The following ATP8A1 variants were observed in gnomAD, a reference collection of about 807,000 sequenced individuals.
The protein encoded by ATP8A1 is ATPase phospholipid transporting 8A1, also known as phospholipid-transporting ATPase IA.
Under a neutral mutation model 177.7 loss-of-function variants are expected in ATP8A1, and 90 were observed. That is an observed-to-expected ratio of 0.51 (90% CI 0.43 to 0.60). ATP8A1 has a LOEUF of 0.60. ATP8A1 is among the 20% of genes least tolerant of loss of function. The pLI, the probability that ATP8A1 is intolerant of heterozygous loss-of-function variation, is 0.00. For synonymous variants in ATP8A1, 493 were observed against 485.9 expected (o/e 1.01, Z -0.19); for missense variants, 1,072 against 1,392.8 (o/e 0.77, Z 3.67).
At chr4:42,466,773 AT>A (rs1719817959) in intron 25 of ATP8A1, among the ~76,000 whole-genome samples, 1 of 152,202 alleles carries the variant, frequency 6.6e-6, no homozygotes, top group South Asian at 2.1e-4. Flanking sequence ...CTTCAAAGCA[AT>A]TTTCATTTCA....
intron 25 of ATP8A1, among the ~76,000 whole-genome samples, chr4:42,479,166 T>C (rs189846248): frequency 6.6e-6 from 1 of 152,324 alleles, no homozygotes; most frequent in Admixed American, 6.5e-5. Flanking sequence ...TATAGTCTTA[T>C]TGGAACATGG....
At chr4:42,542,367 GAT>G (rs1261023695) in intron 20 of ATP8A1, among the ~76,000 whole-genome samples, 2 of 152,088 alleles carry the variant, frequency 1.3e-5, no homozygotes, top group African/African-American at 4.8e-5. Flanking sequence ...GAAAGGATGT[GAT>G]TCGGGTTTTG....
chr4:42,478,110 T>G (rs1186199722), intron 25 of ATP8A1, among the ~76,000 whole-genome samples: 1 of 152,078 alleles, frequency 6.6e-6, no homozygotes, highest in East Asian at 1.9e-4. Context: ...ATCCCAGCCC[T>G]TTGGGAGACT....
intron 4 of ATP8A1, among the ~76,000 whole-genome samples, chr4:42,622,179 C>T (rs1737535176): frequency 6.6e-6 from 1 of 150,954 alleles, no homozygotes; most frequent in South Asian, 2.1e-4. Context: ...AGTTCAAGAC[C>T]AGCCTGGCCA....
Position 42,581,640 on chromosome 4 carries a change from T to A in ATP8A1, c.815A>T (p.His272Leu), listed in dbSNP as rs753580416. Residue 272 changes from histidine (H) to leucine (L), a missense_variant, in exon 10 of 37, where the codon CAT becomes CTT. Physicochemically the swap from His to Leu is moderately conservative, Grantham distance 99. Coordinates refer to ENST00000381668, the MANE Select transcript of ATP8A1 (RefSeq NM_006095.2). ...WVHGIVVYTG[H>L]DTKLMQNSTS... ...TTTCACCTGCATCAGCTTGGTGTCA[T>A]GTCCAGTGTAGACAACTATTCCATG... 1 of 1,614,002 alleles carries A rather than the reference T, an allele frequency of 6.2e-7. No individual in the cohort carries two copies. Among genetic ancestry groups the A allele is most frequent in the South Asian group, 1.1e-5 (1 of 91,080 alleles).
At chr4:42,497,679 C>G (rs1343787857) in intron 24 of ATP8A1, among the ~76,000 whole-genome samples, 2 of 152,176 alleles carry the variant, frequency 1.3e-5, no homozygotes, top group Non-Finnish European at 2.9e-5. Flanking sequence ...TCTATGAGCC[C>G]AGACAATGGG....
intron 5 of ATP8A1, among the ~76,000 whole-genome samples, chr4:42,612,862 T>C (rs1284432056): frequency 6.6e-6 from 1 of 152,170 alleles, no homozygotes; most frequent in Non-Finnish European, 1.5e-5. Flanking sequence ...TACCCTCTGA[T>C]GCCTCACATA....
chr4:42,525,534 A>C (rs965361362), intron 20 of ATP8A1, among the ~76,000 whole-genome samples: 20 of 152,208 alleles, frequency 1.3e-4, no homozygotes, highest in Non-Finnish European at 2.2e-4. Context: ...GACTCAGTTT[A>C]CTTAATCTGT....
At chr4:42,569,743 T>C (rs1013820083) in intron 14 of ATP8A1, among the ~76,000 whole-genome samples, 3 of 152,228 alleles carry the variant, frequency 2.0e-5, no homozygotes, top group Non-Finnish European at 2.9e-5. Flanking sequence ...TTTAAGAATT[T>C]AAATGATATT....
intron 24 of ATP8A1, among the ~76,000 whole-genome samples, chr4:42,487,636 C>T (rs780719145): frequency 1.5e-4 from 22 of 151,720 alleles, no homozygotes; most frequent in African/African-American, 3.4e-4. Context: ...TTAAGCATGT[C>T]GTTTTATATA....
At chr4:42,617,453 A>G (rs1021212282) in intron 4 of ATP8A1, among the ~76,000 whole-genome samples, 3 of 152,242 alleles carry the variant, frequency 2.0e-5, no homozygotes, top group African/African-American at 2.4e-5. Context: ...GCCAAAAAAG[A>G]TTCTTAAATG....
intron 20 of ATP8A1, among the ~76,000 whole-genome samples, chr4:42,533,990 G>T (rs1424078868): frequency 6.6e-6 from 1 of 152,038 alleles, no homozygotes; most frequent in East Asian, 1.9e-4. Flanking sequence ...CCAAATCAAG[G>T]GAGTACTCCA....
chr4:42,506,230 G>A (rs1391361728), intron 23 of ATP8A1, among the ~76,000 whole-genome samples: 2 of 152,190 alleles, frequency 1.3e-5, no homozygotes, highest in Non-Finnish European at 2.9e-5. Flanking sequence ...GTCTTTGGGA[G>A]ATGATTAGGT....
At chr4:42,464,151 T>G (rs1240298183) in intron 27 of ATP8A1, among the ~76,000 whole-genome samples, 1 of 152,224 alleles carries the variant, frequency 6.6e-6, no homozygotes, top group Admixed American at 6.5e-5. Context: ...TAATAATGTA[T>G]TTTTTACATT....
intron 9 of ATP8A1, among the ~76,000 whole-genome samples, chr4:42,583,049 A>C (rs906787346): frequency 6.6e-6 from 1 of 152,236 alleles, no homozygotes; most frequent in Non-Finnish European, 1.5e-5. Flanking sequence ...AAGTCGACAG[A>C]CAACACAGAA....
At position 42,417,423 on chromosome 4, in the gene ATP8A1, A is replaced by G. The variant is rs552025143; in HGVS notation, c.3306-2705T>C. Among the ~76,000 whole-genome samples the G allele has an allele frequency of 3.3e-5, 5 of 152,186 alleles. No homozygotes were observed. The East Asian group carries it at 9.6e-4, about 29-fold the overall frequency. ...CTAGCAGTTTTACGTAGTCTCTTAT[A>G]GTCTTTCATTTACATACCAAGCTAT... On this transcript the variant is annotated intron_variant, in intron 35 of 36. Coordinates refer to ENST00000381668, the MANE Select transcript of ATP8A1 (RefSeq NM_006095.2).
chr4:42,500,676 C>T (rs892308975), intron 24 of ATP8A1, among the ~76,000 whole-genome samples: 6 of 152,042 alleles, frequency 3.9e-5, no homozygotes, highest in East Asian at 3.9e-4. Context: ...TGCTTTTGGA[C>T]GACATTCTAG....
chr4:42,632,072 T>C (rs1379233862), intron 1 of ATP8A1, among the ~76,000 whole-genome samples: 2 of 152,178 alleles, frequency 1.3e-5, no homozygotes, highest in African/African-American at 4.8e-5. Flanking sequence ...AAATTAAGTT[T>C]CACAGAGCAA....
intron 24 of ATP8A1, among the ~76,000 whole-genome samples, chr4:42,495,059 T>C (rs1378143761): frequency 6.6e-6 from 1 of 152,226 alleles, no homozygotes; most frequent in Admixed American, 6.5e-5. Context: ...TATATAAGAA[T>C]CTTAAACTAA....
Sources: allele counts gnomAD v4.1 joint callset (sites outside exome capture counted in the v4.1 genomes callset), GRCh38; gene constraint gnomAD v4.1.1; transcripts MANE v1.5; gene names NCBI Gene and HGNC (gene_info 2026-07-23, HGNC 2026-07-21).